The following AXDND1 variants were observed in gnomAD, a reference collection of about 807,000 sequenced individuals.
The protein encoded by AXDND1 is axonemal dynein light chain domain containing 1.
AXDND1 carries 110 observed loss-of-function variants against 137.5 expected under a neutral mutation model. The observed-to-expected ratio is 0.80, with a 90% CI of 0.69 to 0.94. The LOEUF is 0.94. Among genes scored for constraint, AXDND1 ranks in the 40% least tolerant of loss-of-function variants. AXDND1 has a pLI of 0.00. For synonymous variants in AXDND1, 414 were observed against 399.7 expected (o/e 1.04, Z -0.43); for missense variants, 1,191 against 1,169.8 (o/e 1.02, Z -0.26).
chr1:179,464,414 CT>C (rs1662825198), intron 16 of AXDND1, among the ~76,000 whole-genome samples: 1 of 152,158 alleles, frequency 6.6e-6, no homozygotes, highest in African/African-American at 2.4e-5. Context: ...GTTGAAAATT[CT>C]TTTCTTTAAG....
chr1:179,482,846 A>G (rs1344235511), intron 17 of AXDND1, among the ~76,000 whole-genome samples: 1 of 151,594 alleles, frequency 6.6e-6, no homozygotes, highest in Non-Finnish European at 1.5e-5. Flanking sequence ...AGTAAATGTA[A>G]AGGGTGTAAG....
At chr1:179,500,078 G>A (rs11799888) in intron 20 of AXDND1, among the ~76,000 whole-genome samples, 6,971 of 151,916 alleles carry the variant, frequency 0.046, 259 homozygotes, top group Non-Finnish European at 0.07. Context: ...AACGCAAAAG[G>A]GATTGTTCAA....
intron 17 of AXDND1, among the ~76,000 whole-genome samples, chr1:179,474,213 C>T (rs1265106849): frequency 1.4e-5 from 2 of 142,088 alleles, no homozygotes; most frequent in East Asian, 2.3e-4. Context: ...CAAGACTCCA[C>T]CTCAAAAAAA....
intron 20 of AXDND1, among the ~76,000 whole-genome samples, chr1:179,495,654 C>G (rs1330052017): frequency 6.6e-6 from 1 of 151,610 alleles, no homozygotes; most frequent in East Asian, 1.9e-4. Flanking sequence ...CAGATAGGGA[C>G]AGTTTTATTT....
intron 16 of AXDND1, among the ~76,000 whole-genome samples, chr1:179,446,546 A>G (rs1659751724): frequency 6.6e-6 from 1 of 152,216 alleles, no homozygotes; most frequent in Non-Finnish European, 1.5e-5. Context: ...TTTAGCAAGC[A>G]TCCCAGGTGA....
intron 11 of AXDND1, among the ~76,000 whole-genome samples, chr1:179,402,942 A>G (rs1473008886): frequency 6.6e-6 from 1 of 152,224 alleles, no homozygotes; most frequent in Non-Finnish European, 1.5e-5. Context: ...CATTTGTCAC[A>G]ATGGATCAGT....
At chr1:179,398,096 G>GT (rs1651349648) in intron 11 of AXDND1, among the ~76,000 whole-genome samples, 1 of 152,052 alleles carries the variant, frequency 6.6e-6, no homozygotes, top group African/African-American at 2.4e-5. Context: ...TCCTTGTGTT[G>GT]TTTTTTTCTC....
chr1:179,418,977 C>T (rs954405555), intron 12 of AXDND1, among the ~76,000 whole-genome samples: 14 of 149,512 alleles, frequency 9.4e-5, no homozygotes, highest in Non-Finnish European at 1.8e-4. Flanking sequence ...ACATCCCAGA[C>T]GAGGCGGCGG....
intron 5 of AXDND1, 77 bp downstream of exon 5, chr1:179,378,834 TAAATATA>T: frequency 3.4e-6 from 4 of 1,166,980 alleles, no homozygotes; most frequent in Non-Finnish European, 3.3e-6. Flanking sequence ...ATTTTTAATA[TAAATATA>T]AAATATAAAA....
At chr1:179,484,475 G>A (rs1045334438) in intron 18 of AXDND1, among the ~76,000 whole-genome samples, 11 of 152,132 alleles carry the variant, frequency 7.2e-5, no homozygotes, top group Non-Finnish European at 1.5e-5. Flanking sequence ...ACTCCAGCCT[G>A]ACCATGCCTG....
chr1:179,385,333 C>T lies in AXDND1; in HGVS notation c.837C>T (p.Asp279=). 1 of 1,614,022 alleles carries T rather than the reference C, an allele frequency of 6.2e-7. No homozygotes were observed. The highest frequency in any genetic ancestry group is 8.5e-7 in the Non-Finnish European group (1 of 1,179,960). Residue 279 remains aspartate, a synonymous_variant, in exon 9 of 26, where the codon GAC becomes GAT. Transcript: ENST00000367618. The stretch of plus-strand genomic sequence containing the variant: ...GACAAGTCAGTGTGGACTGTGCAGA[C>T]AGAGGAGAACTTCTGTCTAAAGTCA... ...LIRQVSVDCA[D]RGELLSKVRE... is the part of the protein sequence containing the mutation.
At chr1:179,431,779 G>A (rs559343844) in intron 14 of AXDND1, among the ~76,000 whole-genome samples, 7 of 152,180 alleles carry the variant, frequency 4.6e-5, no homozygotes, top group Middle Eastern at 3.4e-3. Flanking sequence ...AGGTGTGCAC[G>A]GGTGGCCATA....
At chr1:179,375,462 T>C (rs1196421372) in intron 4 of AXDND1, among the ~76,000 whole-genome samples, 1 of 150,186 alleles carries the variant, frequency 6.7e-6, no homozygotes, top group African/African-American at 2.4e-5. Flanking sequence ...GTGTGTATAA[T>C]ATATGTCTAA....
rs58812147 is a variant in AXDND1, at chr1:179,542,050, T to C, written c.3031+7088T>C. On this transcript the variant is annotated intron_variant, in intron 25 of 25. Transcript: ENST00000367618. ...ATTCACAGACATTGTCTCTGGGTAATAGAGGTTTGTAGGAAGTTTTATCTT... is the reference window on the plus strand; with the variant it reads ...ATTCACAGACATTGTCTCTGGGTAACAGAGGTTTGTAGGAAGTTTTATCTT... 5.6e-3 allele frequency among the ~76,000 whole-genome samples: 854 copies of C among 152,258 alleles called. 8 individuals are homozygous for C. Among genetic ancestry groups the C allele is most frequent in the African/African-American group, 0.02 (821 of 41,558 alleles).
intron 11 of AXDND1, among the ~76,000 whole-genome samples, chr1:179,395,823 T>C (rs901641595): frequency 6.6e-6 from 1 of 152,222 alleles, no homozygotes; most frequent in Non-Finnish European, 1.5e-5. Flanking sequence ...TCAGCCATTA[T>C]GTCATACTTG....
intron 12 of AXDND1, among the ~76,000 whole-genome samples, chr1:179,421,524 CA>C (rs1375354173): frequency 6.6e-6 from 1 of 151,588 alleles, no homozygotes; most frequent in African/African-American, 2.4e-5. Context: ...GCTGGGAATA[CA>C]GGTGTGCACC....
chr1:179,530,116 G>A (rs1222122934), intron 23 of AXDND1, among the ~76,000 whole-genome samples: 1 of 152,098 alleles, frequency 6.6e-6, no homozygotes, highest in Non-Finnish European at 1.5e-5. Flanking sequence ...TGCAACCTCT[G>A]CCTCCCAAGT....
chr1:179,371,460 T>G (rs1668029005), intron 4 of AXDND1, among the ~76,000 whole-genome samples: 1 of 152,106 alleles, frequency 6.6e-6, no homozygotes, highest in African/African-American at 2.4e-5. Context: ...AAAGTTTTAA[T>G]GTCAAATGAC....
intron 21 of AXDND1, among the ~76,000 whole-genome samples, chr1:179,509,940 A>G (rs566400029): frequency 6.6e-6 from 1 of 152,056 alleles, no homozygotes; most frequent in Non-Finnish European, 1.5e-5. Flanking sequence ...CATCATAATC[A>G]ATTTGTTTAA....
Sources: gnomAD v4.1 joint callset for allele counts (sites outside exome capture counted in the v4.1 genomes callset) on GRCh38, gnomAD v4.1.1 for gene constraint, MANE v1.5 for transcripts, NCBI Gene and HGNC (gene_info 2026-07-23, HGNC 2026-07-21) for gene names.